Variants in IL1RAPL1 observed in about 807,000 individuals in gnomAD.
The protein encoded by IL1RAPL1 is interleukin-1 receptor accessory protein-like 1.
Under a neutral mutation model 48.4 loss-of-function variants are expected in IL1RAPL1, and 3 were observed. The observed-to-expected ratio is 0.06, with a 90% CI of 0.03 to 0.16. The LOEUF is 0.16. Ranked by LOEUF, IL1RAPL1 falls within the 10% of genes least tolerant of loss-of-function variation. The probability of loss-of-function intolerance (pLI) is 1.00; values close to 1 mark genes in which losing one functional copy is unlikely to be tolerated. For missense variants in IL1RAPL1, 349 were observed against 530.6 expected (o/e 0.66, Z 3.36); for synonymous variants, 185 against 187.7 (o/e 0.99, Z 0.12).
intron 2 of IL1RAPL1, among the ~76,000 whole-genome samples, chrX:28,900,199 C>G (rs1923037987): frequency 8.9e-6 from 1 of 112,042 alleles, no homozygotes; most frequent in Non-Finnish European, 1.9e-5. Context: ...AATAGCTGTT[C>G]TGCAAAGACA....
intron 3 of IL1RAPL1, among the ~76,000 whole-genome samples, chrX:29,377,662 C>T (rs1374675006): frequency 8.9e-6 from 1 of 112,151 alleles, no homozygotes; most frequent in African/African-American, 3.2e-5. Flanking sequence ...AATTTATTTT[C>T]TCTAAGAGTG....
chrX:29,119,904 A>G (rs982283395), intron 2 of IL1RAPL1, among the ~76,000 whole-genome samples: 8 of 111,726 alleles, frequency 7.2e-5, no homozygotes, highest in Admixed American at 6.7e-4. Flanking sequence ...TCCAGACCCT[A>G]GCCTTATGGG....
intron 1 of IL1RAPL1, among the ~76,000 whole-genome samples, chrX:28,780,718 G>A (rs778722741): frequency 9.1e-6 from 1 of 109,592 alleles, no homozygotes; most frequent in African/African-American, 3.3e-5. Context: ...ATAGCAATGT[G>A]GAGGAGAGCC....
chrX:29,802,747 T>TTATATATATATATATA (rs1210417673), intron 6 of IL1RAPL1, among the ~76,000 whole-genome samples: 3 of 36,254 alleles, frequency 8.3e-5, no homozygotes, highest in Admixed American at 4.0e-4. Flanking sequence ...GAGGAAAAAA[T>TTATATATATATATATA]TATATATATA....
chrX:29,943,142 A>G (rs1474595681), intron 9 of IL1RAPL1, among the ~76,000 whole-genome samples: 1 of 111,843 alleles, frequency 8.9e-6, no homozygotes, highest in Non-Finnish European at 1.9e-5. Context: ...CATTAGGGTG[A>G]AGCCTGAGCT....
chrX:28,630,218 C>T (rs1384861821), intron 1 of IL1RAPL1, among the ~76,000 whole-genome samples: 2 of 111,157 alleles, frequency 1.8e-5, no homozygotes, highest in Non-Finnish European at 3.8e-5. Flanking sequence ...CTTCCTTTCA[C>T]TAATCTGGGC....
chrX:28,699,976 G>T (rs935679124), intron 1 of IL1RAPL1, among the ~76,000 whole-genome samples: 2 of 111,330 alleles, frequency 1.8e-5, no homozygotes, highest in African/African-American at 6.5e-5. Context: ...CCAATGGAAA[G>T]ATTATTGTCT....
chrX:29,141,597 A>G (rs1420210910), intron 2 of IL1RAPL1, among the ~76,000 whole-genome samples: 1 of 112,122 alleles, frequency 8.9e-6, no homozygotes, highest in African/African-American at 3.2e-5. Context: ...GGAAAAATGT[A>G]AGTAGCCAAA....
At position 29,399,163 on chromosome X, in the gene IL1RAPL1, G is replaced by C; in HGVS notation, c.558G>C (p.Arg186Ser). 1 of 1,202,717 alleles carries C rather than the reference G, an allele frequency of 8.3e-7. No homozygotes were observed. Among genetic ancestry groups the C allele is most frequent in the Non-Finnish European group, 1.1e-6 (1 of 887,649 alleles). ...GTATGTTCTTCATATAGGAATGCAG[G>C]ACAAAAACATGGAGGCCAAGTATTG... is the stretch of plus-strand genomic sequence containing the variant. ...EPEILWYKEC[R>S]TKTWRPSIVF... The change falls in exon 5 of 11, where the codon AGG becomes AGC. Residue 186 changes from arginine to serine, a missense_variant. Around this residue, in one of 3 missense-constraint regions of IL1RAPL1, gnomAD observed 238 missense variants for 337.8 expected, o/e 0.70. Transcript: ENST00000378993.
At chrX:28,775,725 T>C (rs1050223371) in intron 1 of IL1RAPL1, among the ~76,000 whole-genome samples, 1 of 112,853 alleles carries the variant, frequency 8.9e-6, no homozygotes, top group East Asian at 2.8e-4. Context: ...CTCACTTAGT[T>C]CCACTCTCAC....
At chrX:29,694,256 C>T (rs1321533005) in intron 6 of IL1RAPL1, among the ~76,000 whole-genome samples, 1 of 111,631 alleles carries the variant, frequency 9.0e-6, no homozygotes, top group Non-Finnish European at 1.9e-5. Flanking sequence ...GATTTTTCTC[C>T]TCTTCACTTT....
At chrX:29,789,785 T>C (rs1364939725) in intron 6 of IL1RAPL1, among the ~76,000 whole-genome samples, 1 of 104,316 alleles carries the variant, frequency 9.6e-6, no homozygotes, top group Non-Finnish European at 1.9e-5. Flanking sequence ...AGTTTCTTTT[T>C]TTTTTTTTTT....
chrX:29,820,185 A>G (rs960070911), intron 6 of IL1RAPL1, among the ~76,000 whole-genome samples: 3 of 108,891 alleles, frequency 2.8e-5, no homozygotes, highest in Admixed American at 1.0e-4. Context: ...AATATAAACC[A>G]TATACATGGT....
At chrX:29,654,673 A>G (rs1925619576) in intron 5 of IL1RAPL1, among the ~76,000 whole-genome samples, 1 of 111,832 alleles carries the variant, frequency 8.9e-6, no homozygotes, top group South Asian at 3.7e-4. Flanking sequence ...GGGAGCTACA[A>G]TTCAAGATGA....
intron 2 of IL1RAPL1, among the ~76,000 whole-genome samples, chrX:29,137,231 T>TA (rs1181652616): frequency 2.1e-5 from 2 of 95,740 alleles, no homozygotes; most frequent in Non-Finnish European, 4.1e-5. Flanking sequence ...TCAGTTTGTT[T>TA]AAAAAATTAC....
chrX:29,529,778 T>C (rs889027750), intron 5 of IL1RAPL1, among the ~76,000 whole-genome samples: 3 of 110,738 alleles, frequency 2.7e-5, no homozygotes, highest in Non-Finnish European at 3.8e-5. Flanking sequence ...CATACTCTCG[T>C]GGTTCAGAAA....
chrX:29,230,294 G>C (rs1931165669), intron 2 of IL1RAPL1, among the ~76,000 whole-genome samples: 1 of 109,247 alleles, frequency 9.2e-6, no homozygotes, highest in African/African-American at 3.3e-5. Flanking sequence ...GTATTATATA[G>C]AAGTATTAAA....
intron 8 of IL1RAPL1, among the ~76,000 whole-genome samples, chrX:29,938,023 G>C (rs755765490): frequency 5.4e-5 from 6 of 111,497 alleles, no homozygotes; most frequent in Non-Finnish European, 7.5e-5. Flanking sequence ...TTCTGTAACT[G>C]CTAAGCTACA....
chrX:29,672,903 T>C (rs968643807), intron 6 of IL1RAPL1, among the ~76,000 whole-genome samples: 2 of 112,234 alleles, frequency 1.8e-5, no homozygotes, highest in Admixed American at 9.5e-5. Flanking sequence ...TCACCAGATA[T>C]TCACATCTGG....
Sources: gnomAD v4.1 joint callset for allele counts (sites outside exome capture counted in the v4.1 genomes callset) on GRCh38, gnomAD v4.1.1 for gene constraint, gnomAD v4.1.1 regional missense constraint, MANE v1.5 for transcripts, NCBI Gene and HGNC (gene_info 2026-07-23, HGNC 2026-07-21) for gene names.